DPYD: variants seen among roughly 807,000 people sequenced by gnomAD.
DPYD encodes dihydropyrimidine dehydrogenase [NADP(+)].
DPYD carries 109 observed loss-of-function variants against 116.2 expected under a neutral mutation model. The observed-to-expected ratio is 0.94, with a 90% CI of 0.80 to 1.10. The LOEUF (loss-of-function observed/expected upper bound fraction) is 1.10. Ranked by LOEUF, DPYD falls within the 50% of genes least tolerant of loss-of-function variation. The pLI is 0.00. For synonymous variants in DPYD, 440 were observed against 432.0 expected (o/e 1.02, Z -0.23); for missense variants, 1,302 against 1,254.5 (o/e 1.04, Z -0.57).
intron 13 of DPYD, among the ~76,000 whole-genome samples, chr1:97,454,149 T>C (rs1283504967): frequency 1.3e-5 from 2 of 152,016 alleles, no homozygotes; most frequent in Non-Finnish European, 2.9e-5. Context: ...AATTTTATTC[T>C]AGATTTTCTT....
In DPYD at chr1:97,595,154, G is replaced by A; in HGVS notation, c.863C>T (p.Pro288Leu). The change falls in exon 9 of 23, where the codon CCC (proline) becomes CTC (leucine). Residue 288 changes from proline to leucine, a missense_variant. Pro to Leu is a moderately conservative substitution (Grantham distance 98). Transcript: ENST00000370192. The stretch of plus-strand genomic sequence containing the variant: ...GCCTTGGAAGATGGCATCTTTATTG[G>A]GTTCTGGCAAACCTAAGTAATCAAA... Reference protein sequence around the residue: ...AAFIGIGLPEPNKDAIFQGLT... With the variant: ...AAFIGIGLPELNKDAIFQGLT... 1 of 1,613,284 alleles carries A rather than the reference G, an allele frequency of 6.2e-7. No individual in the cohort carries two copies. Among genetic ancestry groups the A allele is most frequent in the African/African-American group, 1.3e-5 (1 of 74,962 alleles).
chr1:97,826,794 T>C (rs568753789), intron 3 of DPYD, among the ~76,000 whole-genome samples: 2 of 152,248 alleles, frequency 1.3e-5, no homozygotes, highest in South Asian at 2.1e-4. Flanking sequence ...TTTATATAGA[T>C]ACAAATTCTC....
At chr1:97,523,137 A>G (rs2101997078) in intron 12 of DPYD, among the ~76,000 whole-genome samples, 1 of 152,272 alleles carries the variant, frequency 6.6e-6, no homozygotes, top group African/African-American at 2.4e-5. Context: ...ACTAAAGAAA[A>G]CTACAAAAGG....
intron 8 of DPYD, among the ~76,000 whole-genome samples, chr1:97,667,999 T>C (rs1223666568): frequency 1.3e-5 from 2 of 152,100 alleles, no homozygotes; most frequent in Non-Finnish European, 2.9e-5. Context: ...ACTAGGTACA[T>C]AGAATAGTCA....
chr1:97,593,141 C>T (rs1416652495), intron 10 of DPYD, 77 bp downstream of exon 10: 22 of 1,509,278 alleles, frequency 1.5e-5, no homozygotes, highest in Admixed American at 5.0e-5. Flanking sequence ...AACATTCTAG[C>T]GATTTAAACA....
intron 14 of DPYD, among the ~76,000 whole-genome samples, chr1:97,443,815 A>G (rs1194297889): frequency 6.6e-6 from 1 of 152,252 alleles, no homozygotes; most frequent in Non-Finnish European, 1.5e-5. Context: ...ACTTAATTAT[A>G]AAAACTTCAA....
chr1:97,865,684 G>A (rs72979761), intron 2 of DPYD, among the ~76,000 whole-genome samples: 2,560 of 151,934 alleles, frequency 0.017, 75 homozygotes, highest in African/African-American at 0.058. Context: ...ACAATTATGT[G>A]CCAATTATAC....
chr1:97,099,765 C>T (rs897820866), intron 20 of DPYD, among the ~76,000 whole-genome samples: 6 of 152,032 alleles, frequency 3.9e-5, no homozygotes, highest in Non-Finnish European at 7.4e-5. Context: ...AAACACTGGC[C>T]TCCACATTTC....
chr1:97,920,102 C>T (rs1674430363), intron 1 of DPYD, among the ~76,000 whole-genome samples: 1 of 152,162 alleles, frequency 6.6e-6, no homozygotes, highest in Non-Finnish European at 1.5e-5. Context: ...CTCAAAAGTG[C>T]TGACCTAGGT....
Position 97,134,017 on chromosome 1 carries a change from ATATATATATATAT to A in DPYD, c.2623-35398_2623-35386del, listed in dbSNP as rs1653582823. ...CTGTTTCAAAAAAAAAAAAAAAAAT[ATATATATATATAT>A]ATATATATATATATATATATATATA... On this transcript the variant is annotated intron_variant, in intron 20 of 22. Coordinates refer to ENST00000370192, the MANE Select transcript of DPYD (RefSeq NM_000110.4). 2.3e-3 allele frequency among the ~76,000 whole-genome samples: 37 copies of A among 16,130 alleles called. 4 individuals are homozygous for A. Among genetic ancestry groups the A allele is most frequent in the Admixed American group, 9.1e-3 (9 of 990 alleles). 10.6% of individuals were successfully genotyped at this position (16,130 alleles called of 152,430 possible). A position where few individuals can be genotyped will look rare whatever the true frequency, so the allele number is the denominator to read the frequency against.
rs532502369 is a variant in DPYD at position 97,490,364 on chromosome 1, T to G, written c.1740+25362A>C. ...ATTATATATTACATAGTATATTATA[T>G]TATCATATATATTATTAACATATAT... On this transcript the variant is annotated intron_variant, in intron 13 of 22. Transcript: ENST00000370192. 3.4e-5 allele frequency among the ~76,000 whole-genome samples: 5 copies of G among 147,872 alleles called. No homozygotes were observed. In the South Asian group the frequency reaches 1.0e-3, roughly 31 times the overall value.
intron 12 of DPYD, among the ~76,000 whole-genome samples, chr1:97,525,757 T>TGAGAGAGAGAGAGA (rs1557772638): frequency 1.8e-5 from 1 of 54,214 alleles, no homozygotes; most frequent in Non-Finnish European, 3.8e-5. Flanking sequence ...CCCTGGGTAA[T>TGAGAGAGAGAGAGA]TAGAGAGAGA....
rs1028215765 is a variant in DPYD at position 97,229,554 on chromosome 1, A to G, written c.2442+5298T>C. 1.2e-4 allele frequency among the ~76,000 whole-genome samples: 4 copies of G among 34,360 alleles called. 1 individual carries two copies. The South Asian group carries it at 2.7e-3, about 24-fold the overall frequency. The allele number at this position is 34,360 out of a possible 152,430, so 22.5% of individuals were successfully genotyped here. ...CCTTATGACCATCCTAAGTATATAT[A>G]TATATATATATATATATATATATAT... On this transcript the variant is annotated intron_variant, in intron 19 of 22. Coordinates refer to ENST00000370192, the MANE Select transcript of DPYD (RefSeq NM_000110.4).
intron 20 of DPYD, among the ~76,000 whole-genome samples, chr1:97,140,844 G>C (rs777241080): frequency 6.6e-6 from 1 of 152,192 alleles, no homozygotes; most frequent in East Asian, 1.9e-4. Context: ...TAGCCAAGAA[G>C]AGGAGCTTAG....
chr1:97,281,980 T>A (rs1236391549), intron 18 of DPYD, among the ~76,000 whole-genome samples: 1 of 152,132 alleles, frequency 6.6e-6, no homozygotes, highest in Non-Finnish European at 1.5e-5. Context: ...TTTTTGCACA[T>A]AAGTTATTGG....
chr1:97,456,848 A>C (rs1676718938), intron 13 of DPYD, among the ~76,000 whole-genome samples: 1 of 152,106 alleles, frequency 6.6e-6, no homozygotes, highest in Admixed American at 6.6e-5. Context: ...GTGAAATAAA[A>C]ACTCTCCATA....
intron 13 of DPYD, among the ~76,000 whole-genome samples, chr1:97,458,761 T>C (rs1209982387): frequency 6.6e-6 from 1 of 152,180 alleles, no homozygotes; most frequent in East Asian, 1.9e-4. Flanking sequence ...TCTTAACCTG[T>C]GTGAGCCCCA....
At chr1:97,538,322 G>T (rs1650172098) in intron 12 of DPYD, among the ~76,000 whole-genome samples, 1 of 152,162 alleles carries the variant, frequency 6.6e-6, no homozygotes, top group African/African-American at 2.4e-5. Context: ...GCATGAATTT[G>T]TCTCCACTAG....
At chr1:97,661,652 T>C (rs1486378284) in intron 8 of DPYD, among the ~76,000 whole-genome samples, 1 of 152,130 alleles carries the variant, frequency 6.6e-6, no homozygotes, top group African/African-American at 2.4e-5. Flanking sequence ...TTACAATAAA[T>C]ATTGAAATTT....
Sources: allele counts gnomAD v4.1 joint callset (sites outside exome capture counted in the v4.1 genomes callset), GRCh38; gene constraint gnomAD v4.1.1; transcripts MANE v1.5; gene names NCBI Gene and HGNC (gene_info 2026-07-23, HGNC 2026-07-21).